PRAG1: variants seen among roughly 807,000 people sequenced by gnomAD.
The protein encoded by PRAG1 is PEAK1 related, kinase-activating pseudokinase 1, also known as inactive tyrosine-protein kinase PRAG1.
PRAG1 carries 110 observed loss-of-function variants against 95.6 expected under a neutral mutation model. That is an observed-to-expected ratio of 1.15 (90% CI 0.99 to 1.35). The LOEUF (loss-of-function observed/expected upper bound fraction) is 1.35. Among genes scored for constraint, PRAG1 ranks in the 40% most tolerant of loss-of-function variants. PRAG1 has a pLI of 0.00. For missense variants in PRAG1, 2,554 were observed against 1,864.7 expected (o/e 1.37, Z -6.81); for synonymous variants, 1,052 against 819.4 (o/e 1.28, Z -4.85).
chr8:8,362,774 G>A (rs1289453915), intron 3 of PRAG1, among the ~76,000 whole-genome samples: 1 of 152,208 alleles, frequency 6.6e-6, no homozygotes, highest in Non-Finnish European at 1.5e-5. Context: ...TCCCTTACAT[G>A]TAAAGTCCCT....
rs1331374191 is a variant in PRAG1 at position 8,328,227 on chromosome 8, G to C, written c.2555C>G (p.Ser852Trp). Residue 852 changes from serine to tryptophan, a missense_variant, in exon 5 of 6, where the codon TCG (serine) becomes TGG (tryptophan). Coordinates refer to ENST00000615670, the MANE Select transcript of PRAG1 (RefSeq NM_001080826.3). ...TASPKLNLSH[S>W]ETNVHDESHF... is the part of the protein sequence containing the mutation. ...AGATTCGTCGTGGACGTTGGTTTCC[G>C]AGTGGCTTAGGTTCAGCTTGGGGCT... 2 of 1,614,100 alleles carry C rather than the reference G, an allele frequency of 1.2e-6. No individual in the cohort carries two copies. The highest frequency in any genetic ancestry group is 2.2e-5 in the East Asian group (1 of 44,894).
At chr8:8,383,967 C>A (rs1242035062) in intron 1 of PRAG1, among the ~76,000 whole-genome samples, 2 of 152,194 alleles carry the variant, frequency 1.3e-5, no homozygotes, top group Non-Finnish European at 2.9e-5. Flanking sequence ...TGAAGACTGT[C>A]TACACCTTCT....
At chr8:8,379,372 T>G (rs1408514253) in intron 2 of PRAG1, among the ~76,000 whole-genome samples, 1 of 152,196 alleles carries the variant, frequency 6.6e-6, no homozygotes, top group Non-Finnish European at 1.5e-5. Flanking sequence ...TTACCCCCAC[T>G]TTTAGAAGCA....
chr8:8,329,431 T>C (rs964195049), intron 4 of PRAG1, among the ~76,000 whole-genome samples: 41 of 151,970 alleles, frequency 2.7e-4, no homozygotes, highest in African/African-American at 9.4e-4. Context: ...TAAGGAAATG[T>C]GTACTTAGGA....
At chr8:8,344,846 C>G (rs980617702) in intron 3 of PRAG1, among the ~76,000 whole-genome samples, 2 of 152,146 alleles carry the variant, frequency 1.3e-5, no homozygotes, top group African/African-American at 4.8e-5. Context: ...CAGGCAGTCT[C>G]AACGAGGGTT....
At chr8:8,363,572 C>T (rs1914826) in intron 3 of PRAG1, among the ~76,000 whole-genome samples, 36,772 of 151,950 alleles carry the variant, frequency 0.24, 5,044 homozygotes, top group African/African-American at 0.37. Context: ...AAGGGAGAAA[C>T]AGGAAGTTGT....
intron 5 of PRAG1, among the ~76,000 whole-genome samples, chr8:8,325,372 C>T (rs911943417): frequency 1.3e-5 from 2 of 152,174 alleles, no homozygotes; most frequent in African/African-American, 4.8e-5. Context: ...GGTCCTTGAG[C>T]TACCACGTCT....
At chr8:8,337,078 C>T (rs755494301) in intron 4 of PRAG1, among the ~76,000 whole-genome samples, 8 of 152,228 alleles carry the variant, frequency 5.3e-5, no homozygotes, top group South Asian at 4.1e-4. Flanking sequence ...GTCAATGAAA[C>T]GCATAGTTTT....
At chr8:8,327,626 G>T in intron 5 of PRAG1, 84 bp downstream of exon 5, 1 of 1,456,166 alleles carries the variant, frequency 6.9e-7, no homozygotes, top group Non-Finnish European at 9.3e-7. Context: ...CCAGACAGGT[G>T]AAATGACTTG....
rs1800460597 is a variant in PRAG1 at position 8,377,547 on chromosome 8, A to G, written c.862T>C (p.Cys288Arg). The G allele has an allele frequency of 1.3e-6, 2 of 1,599,650 alleles. No homozygotes were observed. Among genetic ancestry groups the G allele is most frequent in the Non-Finnish European group, 1.7e-6 (2 of 1,172,576 alleles). The change falls in exon 3 of 6, where the codon TGC (cysteine) becomes CGC (arginine). Residue 288 changes from cysteine (C) to arginine (R), a missense_variant. Coordinates refer to ENST00000615670, the MANE Select transcript of PRAG1 (RefSeq NM_001080826.3). ...RHGGRDCSPT[C>R]WEQGKCSGPA... The stretch of plus-strand genomic sequence containing the variant: ...CCGGAACACTTCCCCTGCTCCCAGC[A>G]CGTGGGTGAGCAGTCCCTGCCACCA...
At chr8:8,369,324 T>A (rs1800114292) in intron 3 of PRAG1, among the ~76,000 whole-genome samples, 1 of 152,166 alleles carries the variant, frequency 6.6e-6, no homozygotes, top group Admixed American at 6.5e-5. Context: ...CAGGAGTTTA[T>A]AATTTCGGAG....
chr8:8,340,100 C>A lies in PRAG1; in HGVS notation c.2163-465G>T, dbSNP rs115584175. On this transcript the variant is annotated intron_variant, in intron 3 of 5. Coordinates refer to ENST00000615670, the MANE Select transcript of PRAG1 (RefSeq NM_001080826.3). The stretch of plus-strand genomic sequence containing the variant: ...TTACAAGTGGGATTTCTTTTTTTAC[C>A]TGGTACTCTTTTGCCAAAGCTTCAA... 5.1e-3 allele frequency among the ~76,000 whole-genome samples: 774 copies of A among 152,278 alleles called. 5 individuals carry two copies. Among genetic ancestry groups the A allele is most frequent in the African/African-American group, 0.017 (726 of 41,552 alleles).
intron 3 of PRAG1, among the ~76,000 whole-genome samples, chr8:8,341,357 T>C (rs895975480): frequency 2.0e-5 from 3 of 152,180 alleles, no homozygotes; most frequent in Admixed American, 6.5e-5. Flanking sequence ...CATACTTACT[T>C]AAAGTAACAG....
chr8:8,341,165 T>G (rs1364132671), intron 3 of PRAG1, among the ~76,000 whole-genome samples: 1 of 152,188 alleles, frequency 6.6e-6, no homozygotes, highest in Non-Finnish European at 1.5e-5. Context: ...CTAGAGTTTC[T>G]TGGTCTTCAG....
chr8:8,351,017 A>G (rs1359444258), intron 3 of PRAG1, among the ~76,000 whole-genome samples: 2 of 152,194 alleles, frequency 1.3e-5, no homozygotes, highest in Non-Finnish European at 2.9e-5. Context: ...AGTCTCCAGT[A>G]TACTGAGTGT....
At chr8:8,356,294 G>T (rs951251896) in intron 3 of PRAG1, among the ~76,000 whole-genome samples, 1 of 152,186 alleles carries the variant, frequency 6.6e-6, no homozygotes, top group Non-Finnish European at 1.5e-5. Flanking sequence ...GTGAAGAAAA[G>T]AGAACACTAG....
intron 4 of PRAG1, among the ~76,000 whole-genome samples, chr8:8,331,018 C>T (rs1008445292): frequency 1.3e-5 from 2 of 152,170 alleles, no homozygotes; most frequent in Non-Finnish European, 2.9e-5. Flanking sequence ...CAGCAGAAAC[C>T]GTCACCAGCG....
intron 3 of PRAG1, among the ~76,000 whole-genome samples, chr8:8,364,676 T>TG (rs1471849254): frequency 6.6e-6 from 1 of 152,008 alleles, no homozygotes; most frequent in Admixed American, 6.6e-5. Flanking sequence ...TGTTTTTTTT[T>TG]TTGTTTTCTC....
chr8:8,343,409 A>C (rs1799233473), intron 3 of PRAG1, among the ~76,000 whole-genome samples: 1 of 152,230 alleles, frequency 6.6e-6, no homozygotes, highest in Non-Finnish European at 1.5e-5. Context: ...TTAAATAACT[A>C]GTAATGAATG....
Sources: gnomAD v4.1 joint callset for allele counts (sites outside exome capture counted in the v4.1 genomes callset) on GRCh38, gnomAD v4.1.1 for gene constraint, MANE v1.5 for transcripts, NCBI Gene and HGNC (gene_info 2026-07-23, HGNC 2026-07-21) for gene names.